EIF3L: variants seen among roughly 807,000 people sequenced by gnomAD.
EIF3L encodes the protein eIEF associated protein HSPC021.
A neutral mutation model predicts 74.6 loss-of-function variants in EIF3L; 32 were observed. The observed-to-expected ratio is 0.43, with a 90% CI of 0.32 to 0.58. The LOEUF is 0.58. EIF3L is among the 20% of genes least tolerant of loss of function. The pLI is 0.06. For synonymous variants in EIF3L, 256 were observed against 254.4 expected (o/e 1.01, Z -0.06); for missense variants, 474 against 707.8 (o/e 0.67, Z 3.75).
At chr22:37,862,340 C>G (rs893127549) in intron 5 of EIF3L, among the ~76,000 whole-genome samples, 18 of 152,138 alleles carry the variant, frequency 1.2e-4, no homozygotes, top group African/African-American at 4.3e-4. Context: ...AACATAAAGA[C>G]CAGACCAGGG....
chr22:37,883,200 G>A (rs1927142766), intron 11 of EIF3L: 1 of 151,600 alleles, frequency 6.6e-6, no homozygotes, highest in South Asian at 2.1e-4. Context: ...GGAGGCTGAG[G>A]CAGGAGAATT....
At position 37,870,307 on chromosome 22, in the gene EIF3L, A is replaced by G. The variant is rs61737833; in HGVS notation, c.711A>G (p.Lys237=). The G allele has an allele frequency of 2.3e-4, 375 of 1,613,062 alleles. No individual in the cohort carries two copies. In the African/African-American group the frequency reaches 4.7e-3, roughly 20 times the overall value. The change falls in exon 8 of 13, where the codon AAA becomes AAG. Residue 237 remains lysine (K), a synonymous_variant. Coordinates refer to ENST00000652021, the MANE Select transcript of EIF3L (RefSeq NM_016091.4). ...ATGTCCTTCATTCCCTGGTAGACAA[A>G]TCCAACATCAACCGACAGTTGGAGG... is the stretch of plus-strand genomic sequence containing the variant. ...VLNVLHSLVD[K]SNINRQLEVY... is the part of the protein sequence containing the mutation.
chr22:37,849,778 T>C, intron 1 of EIF3L: 1 of 608,354 alleles, frequency 1.6e-6, no homozygotes, highest in Non-Finnish European at 2.9e-6. Context: ...TCTGGTCAAA[T>C]CTCGCTGATT....
At chr22:37,860,592 C>T (rs748407821) in intron 5 of EIF3L, among the ~76,000 whole-genome samples, 48 of 152,278 alleles carry the variant, frequency 3.2e-4, no homozygotes, top group South Asian at 8.3e-4. Context: ...AGGCTGGTCT[C>T]GAACTCCTGA....
chr22:37,881,877 G>A (rs1392274150), intron 11 of EIF3L: 2 of 152,160 alleles, frequency 1.3e-5, no homozygotes, highest in African/African-American at 2.4e-5. Flanking sequence ...GTTTTTGAAA[G>A]CATTTTGGGC....
At chr22:37,850,126 A>G in intron 2 of EIF3L, 63 bp downstream of exon 2, 3 of 1,589,812 alleles carry the variant, frequency 1.9e-6, no homozygotes, top group Non-Finnish European at 2.6e-6. Context: ...AATGTCTTAG[A>G]ACCAGCTCTG....
At chr22:37,850,500 C>G (rs560566816) in intron 2 of EIF3L, 23 of 223,458 alleles carry the variant, frequency 1.0e-4, no homozygotes, top group Non-Finnish European at 5.7e-5. Context: ...CCATTCCCAG[C>G]TAATTTTTAA....
intron 7 of EIF3L, among the ~76,000 whole-genome samples, chr22:37,864,737 C>T (rs187889989): frequency 7.4e-4 from 112 of 152,256 alleles, no homozygotes; most frequent in African/African-American, 2.6e-3. Flanking sequence ...CGGGGTTTCT[C>T]CATGTTGACC....
chr22:37,873,726 A>AAAAC (rs967820834), intron 8 of EIF3L, among the ~76,000 whole-genome samples: 5 of 152,178 alleles, frequency 3.3e-5, no homozygotes, highest in African/African-American at 1.2e-4. Flanking sequence ...TCAGTCTCAA[A>AAAAC]AAACAAACAA....
intron 3 of EIF3L, among the ~76,000 whole-genome samples, chr22:37,853,512 A>G (rs1019737215): frequency 1.1e-4 from 16 of 152,196 alleles, no homozygotes; most frequent in Non-Finnish European, 2.2e-4. Flanking sequence ...CAGCATGCCT[A>G]TAGTCCCAGC....
chr22:37,849,799 C>G (rs1601748293), intron 1 of EIF3L: 1 of 621,106 alleles, frequency 1.6e-6, no homozygotes, highest in African/African-American at 1.8e-5. Context: ...CCCACAGCCT[C>G]TTGTCCTTTG....
At chr22:37,861,778 T>C (rs537067915) in intron 5 of EIF3L, among the ~76,000 whole-genome samples, 1 of 152,306 alleles carries the variant, frequency 6.6e-6, no homozygotes, top group Non-Finnish European at 1.5e-5. Context: ...ATGTGTACAC[T>C]GCTTTTTTGG....
intron 12 of EIF3L, chr22:37,888,133 CT>C (rs1299023000): frequency 5.9e-6 from 2 of 339,038 alleles, no homozygotes; most frequent in Non-Finnish European, 1.1e-5. Flanking sequence ...CCTAACTGAA[CT>C]AGTAACCTTG....
intron 3 of EIF3L, 96 bp from the exon 4 acceptor site, chr22:37,855,469 T>A (rs1925450963): frequency 9.1e-7 from 1 of 1,103,364 alleles, no homozygotes; most frequent in Non-Finnish European, 1.4e-6. Context: ...ATTTGACATC[T>A]TCCCCTTTCT....
rs1925058649 is a variant in EIF3L, at chr22:37,849,686, C to T, written c.33+204C>T. 3 of 629,102 alleles carry T rather than the reference C, an allele frequency of 4.8e-6. No homozygotes were observed. The South Asian group carries it at 5.9e-5, about 12-fold the overall frequency. The allele number at this position is 629,102 out of a possible 1,614,324, so 39.0% of individuals were successfully genotyped here. ...ACTTCGCGTGTTCGATTGGCTTGTCCTTCCCCTTTCTAAGACCGGAGACTA... is the reference window on the plus strand; with the variant it reads ...ACTTCGCGTGTTCGATTGGCTTGTCTTTCCCCTTTCTAAGACCGGAGACTA... On this transcript the variant is annotated intron_variant, in intron 1 of 12. Coordinates refer to ENST00000652021, the MANE Select transcript of EIF3L (RefSeq NM_016091.4).
At chr22:37,857,087 C>T (rs568918388) in intron 4 of EIF3L, among the ~76,000 whole-genome samples, 21 of 151,802 alleles carry the variant, frequency 1.4e-4, no homozygotes, top group Admixed American at 5.9e-4. Flanking sequence ...CCAGGCCAGG[C>T]GCGGTGGCTC....
intron 4 of EIF3L, among the ~76,000 whole-genome samples, chr22:37,858,194 T>C (rs761865576): frequency 5.3e-5 from 8 of 150,088 alleles, no homozygotes; most frequent in Non-Finnish European, 1.2e-4. Flanking sequence ...CAAACAACAT[T>C]CTGAAATTAA....
chr22:37,873,287 CG>C (rs1569119650), intron 8 of EIF3L, among the ~76,000 whole-genome samples: 1 of 147,128 alleles, frequency 6.8e-6, no homozygotes, highest in African/African-American at 2.5e-5. Context: ...CGCTCAGTTG[CG>C]TATCAGTTTT....
chr22:37,864,032 T>G (rs1926009674), intron 7 of EIF3L, among the ~76,000 whole-genome samples: 1 of 151,402 alleles, frequency 6.6e-6, no homozygotes, highest in East Asian at 1.9e-4. Context: ...GCCACTGCAC[T>G]CCAGCCTGGT....
Sources: gnomAD v4.1 joint callset for allele counts (sites outside exome capture counted in the v4.1 genomes callset) on GRCh38, gnomAD v4.1.1 for gene constraint, MANE v1.5 for transcripts, NCBI Gene and HGNC (gene_info 2026-07-23, HGNC 2026-07-21) for gene names.